The following YAP1 variants were observed in gnomAD, a reference collection of about 807,000 sequenced individuals.
YAP1 encodes transcriptional coactivator YAP1.
A neutral mutation model predicts 56.9 loss-of-function variants in YAP1; 5 were observed. The ratio of observed to expected loss-of-function variants is 0.09; its 90% CI spans 0.05 to 0.18. YAP1 has a LOEUF of 0.18. Among genes scored for constraint, YAP1 ranks in the 10% least tolerant of loss-of-function variants. The probability of loss-of-function intolerance (pLI) is 1.00; values close to 1 mark genes in which losing one functional copy is unlikely to be tolerated. For missense variants in YAP1, 539 were observed against 651.8 expected (o/e 0.83, Z 1.88); for synonymous variants, 265 against 248.1 (o/e 1.07, Z -0.64).
intron 2 of YAP1, among the ~76,000 whole-genome samples, chr11:102,125,272 T>C (rs1253275509): frequency 6.6e-6 from 1 of 152,102 alleles, no homozygotes; most frequent in Admixed American, 6.6e-5. Flanking sequence ...TCCACCCACC[T>C]TGGCCTCCCA....
chr11:102,147,056 CTG>C (rs2135323703), intron 2 of YAP1, among the ~76,000 whole-genome samples: 1 of 152,254 alleles, frequency 6.6e-6, no homozygotes, highest in East Asian at 1.9e-4. Flanking sequence ...CACAGTAACT[CTG>C]TTATCTCTAT....
chr11:102,124,218 G>T (rs1943887673), intron 2 of YAP1, among the ~76,000 whole-genome samples: 1 of 152,108 alleles, frequency 6.6e-6, no homozygotes, highest in African/African-American at 2.4e-5. Context: ...CTCCCAAAGT[G>T]CTGGGATTAC....
At chr11:102,215,015 C>A (rs1289780697) in intron 6 of YAP1, among the ~76,000 whole-genome samples, 1 of 152,032 alleles carries the variant, frequency 6.6e-6, no homozygotes, top group Admixed American at 6.6e-5. Context: ...AAAAGTTGTT[C>A]TAAAGTTAAA....
intron 3 of YAP1, among the ~76,000 whole-genome samples, chr11:102,172,462 G>C (rs9326321): frequency 1 from 144,436 of 144,474 alleles, 72,199 homozygotes; most frequent in Middle Eastern, 1. Context: ...CAGGCATACG[G>C]CACCATGCAC....
At chr11:102,164,063 A>G (rs1319255981) in intron 3 of YAP1, among the ~76,000 whole-genome samples, 1 of 148,662 alleles carries the variant, frequency 6.7e-6, no homozygotes, top group African/African-American at 2.5e-5. Context: ...ATTGAGACGG[A>G]GTCTCACTCT....
At chr11:102,157,699 C>G (rs1047720856) in intron 2 of YAP1, among the ~76,000 whole-genome samples, 2 of 152,144 alleles carry the variant, frequency 1.3e-5, no homozygotes, top group African/African-American at 4.8e-5. Context: ...AGTTTTCTCA[C>G]TTTTCTTCAG....
intron 6 of YAP1, among the ~76,000 whole-genome samples, chr11:102,221,057 A>C (rs997596363): frequency 2.6e-5 from 4 of 152,204 alleles, no homozygotes; most frequent in Non-Finnish European, 5.9e-5. Flanking sequence ...GTGGAGATGA[A>C]GGTCACTGGA....
intron 2 of YAP1, among the ~76,000 whole-genome samples, chr11:102,145,606 A>T (rs548010032): frequency 1.2e-4 from 19 of 152,318 alleles, no homozygotes; most frequent in African/African-American, 4.3e-4. Flanking sequence ...CTGAGAAAAA[A>T]ATTGAAGGTA....
chr11:102,127,192 T>A (rs1489153574), intron 2 of YAP1, among the ~76,000 whole-genome samples: 2 of 152,208 alleles, frequency 1.3e-5, no homozygotes, highest in Non-Finnish European at 1.5e-5. Context: ...TTTGCATAAG[T>A]AGCAAGGAGC....
intron 2 of YAP1, among the ~76,000 whole-genome samples, chr11:102,123,795 G>A (rs1245196995): frequency 3.3e-5 from 5 of 150,948 alleles, no homozygotes; most frequent in South Asian, 4.2e-4. Flanking sequence ...ACCCACCACC[G>A]CGCCCAGCTA....
At chr11:102,183,927 A>AT (rs1289584636) in intron 3 of YAP1, among the ~76,000 whole-genome samples, 1 of 151,742 alleles carries the variant, frequency 6.6e-6, no homozygotes, top group Non-Finnish European at 1.5e-5. Context: ...ATACAAAAAA[A>AT]TTAGCCGGGC....
chr11:102,202,947 A>G (rs1366905302), intron 4 of YAP1, among the ~76,000 whole-genome samples: 5 of 152,228 alleles, frequency 3.3e-5, no homozygotes, highest in Non-Finnish European at 5.9e-5. Context: ...ATGGAAAAGC[A>G]TGCTGCATAG....
At chr11:102,214,663 A>G (rs1210925495) in intron 6 of YAP1, among the ~76,000 whole-genome samples, 9 of 152,178 alleles carry the variant, frequency 5.9e-5, no homozygotes, top group Non-Finnish European at 1.3e-4. Flanking sequence ...CAATGAATAT[A>G]TTATATTTTA....
intron 1 of YAP1, chr11:102,112,425 C>CTTTTTTTTTTTTTTTTTTTTTTTT (rs751339753): frequency 1.4e-6 from 1 of 704,156 alleles, no homozygotes; most frequent in African/African-American, 2.5e-5. Context: ...ATTTCTTCTT[C>CTTTTTTTTTTTTTTTTTTTTTTTT]TTTTTTTTTT....
intron 4 of YAP1, among the ~76,000 whole-genome samples, chr11:102,196,617 T>G (rs1027860456): frequency 2.7e-5 from 4 of 150,930 alleles, no homozygotes; most frequent in Non-Finnish European, 4.4e-5. Context: ...TTTGTTTTTG[T>G]TTTTGTGACT....
At chr11:102,229,208 G>T (rs1565293235) in intron 8 of YAP1, among the ~76,000 whole-genome samples, 5 of 152,194 alleles carry the variant, frequency 3.3e-5, no homozygotes, top group African/African-American at 9.6e-5. Context: ...GGGAAGGCTT[G>T]TTTTGCTGTT....
At chr11:102,180,904 T>G (rs979300996) in intron 3 of YAP1, among the ~76,000 whole-genome samples, 1 of 151,996 alleles carries the variant, frequency 6.6e-6, no homozygotes, top group African/African-American at 2.4e-5. Flanking sequence ...CCCACCACTT[T>G]GGGAGGTCGA....
At chr11:102,123,648 T>TCC (rs1833140996) in intron 2 of YAP1, among the ~76,000 whole-genome samples, 1 of 10,310 alleles carries the variant, frequency 9.7e-5, no homozygotes, top group Non-Finnish European at 3.1e-4. Context: ...TTTTTTTTCT[T>TCC]TTTTTTTTCG....
intron 4 of YAP1, among the ~76,000 whole-genome samples, chr11:102,205,645 CTG>C (rs1267890451): frequency 6.6e-6 from 1 of 150,714 alleles, no homozygotes; most frequent in Non-Finnish European, 1.5e-5. Flanking sequence ...TCCTTAGAAA[CTG>C]TTCCTTATTG....
Sources: gnomAD v4.1 joint callset for allele counts (sites outside exome capture counted in the v4.1 genomes callset) on GRCh38, gnomAD v4.1.1 for gene constraint, MANE v1.5 for transcripts, NCBI Gene and HGNC (gene_info 2026-07-23, HGNC 2026-07-21) for gene names.